GLT1D1: variants seen among roughly 807,000 people sequenced by gnomAD.
GLT1D1 encodes the protein glycosyltransferase 1 domain-containing protein 1.
GLT1D1 carries 21 observed loss-of-function variants against 28.7 expected under a neutral mutation model. That is an observed-to-expected ratio of 0.73 (90% confidence interval 0.52 to 1.05). The LOEUF is 1.05. Ranked by LOEUF, GLT1D1 falls within the 50% of genes least tolerant of loss-of-function variation. GLT1D1 has a pLI of 0.00. For missense variants in GLT1D1, 343 were observed against 330.6 expected, an observed-to-expected ratio of 1.04 and a Z score of -0.29; for synonymous variants, 147 against 124.8, an observed-to-expected ratio of 1.18 and a Z score of -1.19.
At chr12:128,864,356 A>C (rs1375342830) in intron 1 of GLT1D1, among the ~76,000 whole-genome samples, 1 of 151,976 alleles carries the variant, frequency 6.6e-6, no homozygotes, top group Non-Finnish European at 1.5e-5. Context: ...AGGGCCCCGG[A>C]AATCCAGAAA....
At chr12:128,925,908 G>A (rs951422500) in intron 4 of GLT1D1, among the ~76,000 whole-genome samples, 3 of 151,972 alleles carry the variant, frequency 2.0e-5, no homozygotes, top group Non-Finnish European at 4.4e-5. Context: ...GTAAGAGTAG[G>A]GGCGGGGTGT....
At chr12:128,856,313 C>T (rs151080573) in intron 1 of GLT1D1, among the ~76,000 whole-genome samples, 10 of 152,210 alleles carry the variant, frequency 6.6e-5, no homozygotes, top group South Asian at 2.1e-4. Context: ...TATCTTGTGC[C>T]GACCTCCTAT....
chr12:128,866,617 G>A (rs1218960835), intron 1 of GLT1D1, among the ~76,000 whole-genome samples: 1 of 141,280 alleles, frequency 7.1e-6, no homozygotes, highest in East Asian at 2.1e-4. Context: ...TCACCTTCAG[G>A]CTTTTTTTTT....
intron 1 of GLT1D1, among the ~76,000 whole-genome samples, chr12:128,865,127 G>A (rs1055539528): frequency 2.6e-5 from 4 of 152,066 alleles, no homozygotes; most frequent in East Asian, 1.9e-4. Flanking sequence ...TCCAACACAC[G>A]CCGAGGCTTC....
At chr12:128,859,138 A>G (rs994916174) in intron 1 of GLT1D1, among the ~76,000 whole-genome samples, 1 of 152,214 alleles carries the variant, frequency 6.6e-6, no homozygotes, top group Non-Finnish European at 1.5e-5. Context: ...GTCACAGGCC[A>G]TGGTCACTCA....
intron 4 of GLT1D1, among the ~76,000 whole-genome samples, chr12:128,908,379 TTTCTC>T (rs368990103): frequency 0.39 from 52,247 of 132,872 alleles, 10,498 homozygotes; most frequent in East Asian, 0.51. Context: ...CTTTCTTTTC[TTTCTC>T]TTTCTTTCTC....
At chr12:128,951,635 G>T (rs943465605) in intron 6 of GLT1D1, among the ~76,000 whole-genome samples, 7 of 152,124 alleles carry the variant, frequency 4.6e-5, no homozygotes, top group African/African-American at 1.7e-4. Flanking sequence ...CATGCACGGT[G>T]CCCTCCTGTG....
In GLT1D1 at chr12:128,900,920, G is replaced by A. The variant is rs999849793; in HGVS notation, c.375+1633G>A. On this transcript the variant is annotated intron_variant, in intron 4 of 7. Coordinates refer to ENST00000281703, the MANE Select transcript of GLT1D1 (RefSeq NM_144669.3). ...CAAAGTGTTGGGGCTACAGGTGTGA[G>A]CCACTGCACCTGGCCTACCTGTTGG... 7.2e-5 allele frequency among the ~76,000 whole-genome samples: 11 copies of A among 152,092 alleles called. No individual in the cohort carries two copies. The East Asian group carries it at 2.1e-3, about 29-fold the overall frequency.
intron 3 of GLT1D1, among the ~76,000 whole-genome samples, chr12:128,898,626 G>A (rs745661788): frequency 2.6e-5 from 4 of 152,168 alleles, no homozygotes; most frequent in African/African-American, 4.8e-5. Flanking sequence ...AAAAATGGAC[G>A]TTTTGATAGT....
chr12:128,904,285 T>G (rs1870606701), intron 4 of GLT1D1, among the ~76,000 whole-genome samples: 1 of 151,862 alleles, frequency 6.6e-6, no homozygotes. Flanking sequence ...GATAAAGACT[T>G]TTTTTAAAAA....
At chr12:128,927,145 G>C (rs1044432865) in intron 4 of GLT1D1, 1 of 1,535,060 alleles carries the variant, frequency 6.5e-7, no homozygotes, top group Admixed American at 2.0e-5. Context: ...TGGTGATTGT[G>C]GGTCCTGAAG....
intron 4 of GLT1D1, among the ~76,000 whole-genome samples, chr12:128,941,781 T>C (rs1187286292): frequency 6.6e-6 from 1 of 151,786 alleles, no homozygotes; most frequent in Non-Finnish European, 1.5e-5. Context: ...TTTCACCATG[T>C]TGGCCAGCAG....
Position 128,954,443 on chromosome 12 carries a change from A to G in GLT1D1, c.541-3102A>G, listed in dbSNP as rs117090848. 5.5e-4 allele frequency among the ~76,000 whole-genome samples: 83 copies of G among 152,136 alleles called. 1 individual carries two copies. The East Asian group carries it at 0.015, about 28-fold the overall frequency. On this transcript the variant is annotated intron_variant, in intron 6 of 7. Coordinates refer to ENST00000281703, the MANE Select transcript of GLT1D1 (RefSeq NM_144669.3). ...CTGTGCCCAGGCTAATATAGCTTTA[A>G]TATAATTTTAATTTGCTTTATCTCG...
At chr12:128,973,072 C>T (rs1006926757) in intron 7 of GLT1D1, among the ~76,000 whole-genome samples, 1 of 152,012 alleles carries the variant, frequency 6.6e-6, no homozygotes, top group African/African-American at 2.4e-5. Flanking sequence ...CCTGCCAGCC[C>T]CTGGTAACCA....
intron 4 of GLT1D1, among the ~76,000 whole-genome samples, chr12:128,902,249 C>T (rs937342124): frequency 4.0e-5 from 6 of 150,406 alleles, no homozygotes; most frequent in African/African-American, 1.2e-4. Context: ...TTTGGGAGGC[C>T]GAGGTGGGCG....
At chr12:128,911,491 C>T (rs1186802874) in intron 4 of GLT1D1, among the ~76,000 whole-genome samples, 1 of 152,192 alleles carries the variant, frequency 6.6e-6, no homozygotes, top group Non-Finnish European at 1.5e-5. Flanking sequence ...CTTCTGTGAC[C>T]TCCAGGGATC....
chr12:128,857,304 T>C (rs970182746), intron 1 of GLT1D1, among the ~76,000 whole-genome samples: 9 of 152,214 alleles, frequency 5.9e-5, no homozygotes, highest in African/African-American at 2.2e-4. Flanking sequence ...GCAGGGTTTA[T>C]GCAGAAGGTT....
intron 7 of GLT1D1, among the ~76,000 whole-genome samples, chr12:128,976,309 C>G (rs1401373533): frequency 6.6e-6 from 1 of 152,232 alleles, no homozygotes; most frequent in Non-Finnish European, 1.5e-5. Context: ...GAACCCCACC[C>G]TCCACCCACC....
chr12:128,856,298 C>A (rs1030791076), intron 1 of GLT1D1, among the ~76,000 whole-genome samples: 2 of 152,108 alleles, frequency 1.3e-5, no homozygotes, highest in Non-Finnish European at 2.9e-5. Flanking sequence ...GTCTTTATCA[C>A]CTTGTATCTT....
Sources: allele counts gnomAD v4.1 joint callset (sites outside exome capture counted in the v4.1 genomes callset), GRCh38; gene constraint gnomAD v4.1.1; transcripts MANE v1.5; gene names NCBI Gene and HGNC (gene_info 2026-07-23, HGNC 2026-07-21).